AKAP1: variants seen among roughly 807,000 people sequenced by gnomAD.
AKAP1 encodes the protein A-kinase anchor protein 1, mitochondrial.
AKAP1 carries 32 observed loss-of-function variants against 79.8 expected under a neutral mutation model. The ratio of observed to expected loss-of-function variants is 0.40; its 90% confidence interval spans 0.30 to 0.54. AKAP1 has a LOEUF of 0.54. AKAP1 is among the 20% of genes least tolerant of loss of function. The pLI is 0.47. For synonymous variants in AKAP1, 416 were observed against 466.7 expected (o/e 0.89, Z 1.40); for missense variants, 961 against 1,138.9 (o/e 0.84, Z 2.25).
rs371495775 is a variant in AKAP1 at position 57,105,484 on chromosome 17, C to T, written c.20C>T (p.Ser7Leu). The T allele has an allele frequency of 1.3e-5, 21 of 1,613,988 alleles. No individual in the cohort carries two copies. Among genetic ancestry groups the T allele is most frequent in the Admixed American group, 1.0e-4 (6 of 60,024 alleles). The stretch of plus-strand genomic sequence containing the variant: ...TCCAGGATGGCAATCCAGTTCCGTT[C>T]GCTCTTCCCCTTGGCATTGCCTGGG... MAIQFR[S>L]LFPLALPGML... Residue 7 changes from serine to leucine, a missense_variant, in exon 2 of 11, where the codon TCG becomes TTG. This residue lies in a region of AKAP1 where 108 missense variants were observed against 147.6 expected (regional missense o/e 0.73). Transcript: ENST00000337714.
chr17:57,104,337 T>C (rs1914711765), intron 1 of AKAP1, among the ~76,000 whole-genome samples: 1 of 152,236 alleles, frequency 6.6e-6, no homozygotes, highest in South Asian at 2.1e-4. Context: ...CTTGCAGACC[T>C]ATGCTGGTTC....
At position 57,106,708 on chromosome 17, in the gene AKAP1, C is replaced by T. The variant is rs768080161; in HGVS notation, c.1244C>T (p.Pro415Leu). 29 of 1,613,916 alleles carry T rather than the reference C, an allele frequency of 1.8e-5. No individual in the cohort carries two copies. The highest frequency in any genetic ancestry group is 1.6e-5 in the Non-Finnish European group (19 of 1,180,042). Residue 415 changes from proline to leucine, a missense_variant, in exon 2 of 11, where the codon CCG (proline) becomes CTG (leucine). Physicochemically the swap from Pro to Leu is moderately conservative, Grantham distance 98 (BLOSUM62 -3). Around this residue, in one of 3 missense-constraint regions of AKAP1, gnomAD observed 629 missense variants for 781.1 expected, o/e 0.81. Coordinates refer to ENST00000337714, the MANE Select transcript of AKAP1 (RefSeq NM_003488.4). The stretch of plus-strand genomic sequence containing the variant: ...ACAGCAGAGGCAGCTGTTGCCCCGC[C>T]GGATGCTGGCCTCCCCTTGCCAGGC... ...PATAEAAVAP[P>L]DAGLPLPGLP...
At chr17:57,098,939 T>G (rs1262725066) in intron 1 of AKAP1, among the ~76,000 whole-genome samples, 1 of 151,700 alleles carries the variant, frequency 6.6e-6, no homozygotes, top group Non-Finnish European at 1.5e-5. Context: ...TTTTTTTTTT[T>G]TTGTATTTTT....
rs200169551 is a variant in AKAP1 at position 57,116,276 on chromosome 17, C to G, written c.2432+15C>G. 2.5e-6 allele frequency: 4 copies of G among 1,613,962 alleles called. No homozygotes were observed. The Admixed American group carries it at 6.7e-5, about 27-fold the overall frequency. On this transcript the variant is annotated intron_variant, in intron 7 of 10. Coordinates refer to ENST00000337714, the MANE Select transcript of AKAP1 (RefSeq NM_003488.4). Reference sequence around the variant, plus strand: ...CGGCAAATCAGGTGAGCGGAGATGCCTCAGGCAGGCCTACGCCCTGCTTGT... The same window carrying G: ...CGGCAAATCAGGTGAGCGGAGATGCGTCAGGCAGGCCTACGCCCTGCTTGT...
chr17:57,099,932 C>T (rs746302018), intron 1 of AKAP1, among the ~76,000 whole-genome samples: 4 of 152,072 alleles, frequency 2.6e-5, no homozygotes, highest in African/African-American at 4.8e-5. Flanking sequence ...TAGTATAGCC[C>T]CCTTATGGGA....
At chr17:57,092,863 C>T (rs888152063) in intron 1 of AKAP1, 2 of 152,292 alleles carry the variant, frequency 1.3e-5, no homozygotes, top group Non-Finnish European at 2.9e-5. Flanking sequence ...GCCTCATCTT[C>T]ACCTCCCCTC....
intron 1 of AKAP1, chr17:57,095,616 C>G (rs1413491482): frequency 6.6e-6 from 1 of 151,986 alleles, no homozygotes; most frequent in African/African-American, 2.4e-5. Flanking sequence ...AAATTACCTT[C>G]TATGCTTTTA....
rs1158678206 is a variant in AKAP1 at position 57,119,181 on chromosome 17, T to C, written c.2637+137T>C. On this transcript the variant is annotated intron_variant, in intron 10 of 10. Transcript: ENST00000337714. ...GACAAGCACCTCCTAGGGAACACTTTGGATGTCCTGATTGGCAGTGGTGAT... is the reference window on the plus strand; with the variant it reads ...GACAAGCACCTCCTAGGGAACACTTCGGATGTCCTGATTGGCAGTGGTGAT... 6 of 939,484 alleles carry C rather than the reference T, an allele frequency of 6.4e-6. No homozygotes were observed. The East Asian group carries it at 7.3e-5, about 11-fold the overall frequency. 58.2% of individuals were successfully genotyped at this position (939,484 alleles called of 1,614,324 possible). A position where few individuals can be genotyped will look rare whatever the true frequency, so the allele number is the denominator to read the frequency against.
intron 4 of AKAP1, 53 bp downstream of exon 4, chr17:57,111,977 G>A (rs1284727888): frequency 6.3e-7 from 1 of 1,584,802 alleles, no homozygotes; most frequent in Non-Finnish European, 8.6e-7. Flanking sequence ...TTAAATAGAA[G>A]TGAATAGCAT....
chr17:57,107,220 A>G (rs1053157100), intron 2 of AKAP1, 42 bp downstream of exon 2: 3 of 1,539,036 alleles, frequency 1.9e-6, no homozygotes, highest in Non-Finnish European at 2.6e-6. Flanking sequence ...GGGCGCTCCC[A>G]GTATTTCTTG....
At chr17:57,105,327 G>C in intron 1 of AKAP1, 114 bp from the exon 2 acceptor site, 1 of 1,003,880 alleles carries the variant, frequency 1.0e-6, no homozygotes, top group Middle Eastern at 3.0e-4. Context: ...GGGCAGGGAA[G>C]GCGGAGGAGA....
rs61751974 is a variant in AKAP1, at chr17:57,114,527, C to T, written c.2172C>T (p.Phe724=). ...ACCAGGTCAATGCCGGGCACCTGTT[C>T]GTGCAGCAGCACACACACCCTACCT... The part of the protein sequence containing the change: ...VVNQVNAGHL[F]VQQHTHPTFH... The change falls in exon 6 of 11, where the codon TTC becomes TTT. Residue 724 remains phenylalanine (F), a synonymous_variant. Coordinates refer to ENST00000337714, the MANE Select transcript of AKAP1 (RefSeq NM_003488.4). 9.4e-3 allele frequency: 15,213 copies of T among 1,614,200 alleles called. 136 individuals carry two copies. The highest frequency in any genetic ancestry group is 0.027 in the South Asian group (2,453 of 91,092).
intron 5 of AKAP1, 46 bp downstream of exon 5, chr17:57,112,664 A>G: frequency 1.3e-6 from 2 of 1,559,784 alleles, no homozygotes; most frequent in Non-Finnish European, 1.7e-6. Context: ...ACTTTCCCCC[A>G]AACCTACCCC....
intron 1 of AKAP1, among the ~76,000 whole-genome samples, chr17:57,100,210 C>T (rs924092425): frequency 4.6e-5 from 7 of 152,118 alleles, no homozygotes; most frequent in African/African-American, 7.2e-5. Context: ...CTTTTTCCTG[C>T]GATCAGATAA....
Position 57,116,909 on chromosome 17 carries a change from A to C in AKAP1, c.2482A>C (p.Ser828Arg). 1.2e-6 allele frequency: 2 copies of C among 1,614,148 alleles called. No homozygotes were observed. The highest frequency in any genetic ancestry group is 1.7e-6 in the Non-Finnish European group (2 of 1,179,974). Residue 828 changes from serine to arginine, a missense_variant, in exon 8 of 11, where the codon AGT (serine) becomes CGT (arginine). By Grantham distance (110) the Ser-to-Arg change is moderately radical (BLOSUM62 -1). Around this residue, in one of 3 missense-constraint regions of AKAP1, gnomAD observed 629 missense variants for 781.1 expected, o/e 0.81. Coordinates refer to ENST00000337714, the MANE Select transcript of AKAP1 (RefSeq NM_003488.4). ...PFQGAEVLLD[S>R]VMPLSDDDQF... ...TCAGGGAGCAGAAGTCCTTCTGGAC[A>C]GTGTGATGCCCCTGTCAGGTAACAG...
At chr17:57,101,609 G>C (rs1318822749) in intron 1 of AKAP1, 1 of 152,156 alleles carries the variant, frequency 6.6e-6, no homozygotes, top group Non-Finnish European at 1.5e-5. Context: ...GTGCTGCCTT[G>C]GCCTTGGGCT....
At chr17:57,107,560 C>T (rs926742552) in intron 2 of AKAP1, among the ~76,000 whole-genome samples, 1 of 152,172 alleles carries the variant, frequency 6.6e-6, no homozygotes, top group Non-Finnish European at 1.5e-5. Context: ...TGGTCTCGCA[C>T]TCCTGGGCTC....
At chr17:57,114,668 G>A in intron 6 of AKAP1, 32 bp downstream of exon 6, 1 of 1,590,190 alleles carries the variant, frequency 6.3e-7, no homozygotes, top group East Asian at 2.3e-5. Flanking sequence ...CGGGAAGGGG[G>A]ACCCCTGGGG....
intron 1 of AKAP1, among the ~76,000 whole-genome samples, chr17:57,091,011 C>T (rs1044828928): frequency 6.6e-6 from 1 of 152,244 alleles, no homozygotes; most frequent in Non-Finnish European, 1.5e-5. Flanking sequence ...ACAGCCCCAG[C>T]CCCCATCCCT....
Sources: gnomAD v4.1 joint callset for allele counts (sites outside exome capture counted in the v4.1 genomes callset) on GRCh38, gnomAD v4.1.1 for gene constraint, gnomAD v4.1.1 regional missense constraint, MANE v1.5 for transcripts, NCBI Gene and HGNC (gene_info 2026-07-23, HGNC 2026-07-21) for gene names.